The following C1orf52 variants were observed in gnomAD, a reference collection of about 807,000 sequenced individuals.
The protein encoded by C1orf52 is chromosome 1 open reading frame 52.
Under a neutral mutation model 17.2 loss-of-function variants are expected in C1orf52, and 5 were observed. That is an observed-to-expected ratio of 0.29 (90% confidence interval 0.15 to 0.61). C1orf52 has a LOEUF of 0.61. C1orf52 is among the 20% of genes least tolerant of loss of function. The pLI, the probability that C1orf52 is intolerant of heterozygous loss-of-function variation, is 0.85. For synonymous variants in C1orf52, 110 were observed against 88.0 expected, an observed-to-expected ratio of 1.25 and a Z score of -1.40; for missense variants, 245 against 234.1, an observed-to-expected ratio of 1.05 and a Z score of -0.30.
At chr1:85,257,141 GTTCAA>G (rs768619291) in intron 2 of C1orf52, among the ~76,000 whole-genome samples, 1 of 152,158 alleles carries the variant, frequency 6.6e-6, no homozygotes, top group East Asian at 1.9e-4. Flanking sequence ...CAAAACATTA[GTTCAA>G]TTCAACAATT....
rs1557776996 is a variant in C1orf52, at chr1:85,251,314, G to T, written c.*1315C>A. 6.6e-6 allele frequency: 1 copy of T among 152,328 alleles called. No individual in the cohort carries two copies. The highest frequency in any genetic ancestry group is 1.9e-4 in the East Asian group (1 of 5,178). The allele number at this position is 152,328 out of a possible 1,614,324, so 9.4% of individuals were successfully genotyped here. ...TATCCTCCCACCTTGGCCTCCCAAA[G>T]TGCTGGGATTACAAGCATAAGCCAC... On this transcript the variant is annotated 3_prime_UTR_variant, in exon 3 of 3. Transcript: ENST00000471115.
chr1:85,252,297 A>G lies in C1orf52; in HGVS notation c.*332T>C. Reference sequence around the variant, plus strand: ...CAGTACATTACAATATATTTACTTTAAAAATATATTCCTTTATAAAAGGTT... The same window carrying G: ...CAGTACATTACAATATATTTACTTTGAAAATATATTCCTTTATAAAAGGTT... On this transcript the variant is annotated 3_prime_UTR_variant, in exon 3 of 3. Coordinates refer to ENST00000471115, the MANE Select transcript of C1orf52 (RefSeq NM_198077.4). 1 of 261,552 alleles carries G rather than the reference A, an allele frequency of 3.8e-6. No homozygotes were observed. The highest frequency in any genetic ancestry group is 7.3e-6 in the Non-Finnish European group (1 of 137,120). 16.2% of individuals were successfully genotyped at this position (261,552 alleles called of 1,614,324 possible). A position where few individuals can be genotyped will look rare whatever the true frequency, so the allele number is the denominator to read the frequency against.
At chr1:85,259,195 G>T in intron 1 of C1orf52, 163 bp downstream of exon 1, 1 of 1,143,712 alleles carries the variant, frequency 8.7e-7, no homozygotes, top group Non-Finnish European at 1.2e-6. Flanking sequence ...CAGGCGGGGA[G>T]AGGGGGCCAG....
chr1:85,252,571 T>G lies in C1orf52; in HGVS notation c.*58A>C. The G allele has an allele frequency of 7.1e-7, 1 of 1,399,718 alleles. No homozygotes were observed. Among genetic ancestry groups the G allele is most frequent in the South Asian group, 1.2e-5 (1 of 84,504 alleles). The allele number at this position is 1,399,718 out of a possible 1,614,324, so 86.7% of individuals were successfully genotyped here. ...ATAATAACCCACAATATCAACTTAA[T>G]CTGTCCAAAGAAACATTTCAACAAG... On this transcript the variant is annotated 3_prime_UTR_variant, in exon 3 of 3. Transcript: ENST00000471115.
At chr1:85,256,191 C>G (rs1338399967) in intron 2 of C1orf52, among the ~76,000 whole-genome samples, 1 of 152,160 alleles carries the variant, frequency 6.6e-6, no homozygotes, top group East Asian at 1.9e-4. Flanking sequence ...GGCATAATTT[C>G]TATTTAAAGG....
rs746876100 is a variant in C1orf52 at position 85,258,563 on chromosome 1, C to T, written c.436G>A (p.Ala146Thr). Reference protein sequence around the residue: ...GDDAPQNAKKARLLPEGEETL... With the variant: ...GDDAPQNAKKTRLLPEGEETL... ...TCCTCCCCTTCTGGTAGAAGCCTAG[C>T]TTTCTTAGCATTCTGTGGAGCATCA... is the stretch of plus-strand genomic sequence containing the variant. Residue 146 changes from alanine (A) to threonine (T), a missense_variant, in exon 2 of 3, where the codon GCT becomes ACT. Coordinates refer to ENST00000471115, the MANE Select transcript of C1orf52 (RefSeq NM_198077.4). The T allele has an allele frequency of 8.7e-6, 14 of 1,614,076 alleles. No individual in the cohort carries two copies. In the Admixed American group the frequency reaches 2.0e-4, roughly 23 times the overall value.
In C1orf52 at chr1:85,251,673, T is replaced by C. The variant is rs1343738313; in HGVS notation, c.*956A>G. On this transcript the variant is annotated 3_prime_UTR_variant, in exon 3 of 3. Coordinates refer to ENST00000471115, the MANE Select transcript of C1orf52 (RefSeq NM_198077.4). Reference sequence around the variant, plus strand: ...CCTGAATATTAAATATACTAAAACATTATTTATCTGAAATTCAAATTTAAC... The same window carrying C: ...CCTGAATATTAAATATACTAAAACACTATTTATCTGAAATTCAAATTTAAC... The C allele has an allele frequency of 2.0e-5, 3 of 152,310 alleles. No individual in the cohort carries two copies. The highest frequency in any genetic ancestry group is 2.0e-4 in the Admixed American group (3 of 15,290). 9.4% of individuals were successfully genotyped at this position (152,310 alleles called of 1,614,324 possible). A position where few individuals can be genotyped will look rare whatever the true frequency, so the allele number is the denominator to read the frequency against.
At position 85,251,718 on chromosome 1, in the gene C1orf52, C is replaced by A. The variant is rs1659807028; in HGVS notation, c.*911G>T. 1 of 152,082 alleles carries A rather than the reference C, an allele frequency of 6.6e-6. No individual in the cohort carries two copies. The highest frequency in any genetic ancestry group is 6.5e-5 in the Admixed American group (1 of 15,268). The allele number at this position is 152,082 out of a possible 1,614,324, so 9.4% of individuals were successfully genotyped here. ...TTTAACTGAATGTCCTGTAAACTTA[C>A]AATTTAATAAAGAAATTAATGAATA... On this transcript the variant is annotated 3_prime_UTR_variant, in exon 3 of 3. Transcript: ENST00000471115.
rs1318501909 is a variant in C1orf52 at position 85,251,610 on chromosome 1, A to C, written c.*1019T>G. On this transcript the variant is annotated 3_prime_UTR_variant, in exon 3 of 3. Coordinates refer to ENST00000471115, the MANE Select transcript of C1orf52 (RefSeq NM_198077.4). ...GTTACCAGATAAAAGATGTTCAGTT[A>C]AATTTGAATTTCAGATAAACACATT... is the stretch of plus-strand genomic sequence containing the variant. 2.0e-5 allele frequency: 3 copies of C among 152,250 alleles called. No individual in the cohort carries two copies. The highest frequency in any genetic ancestry group is 4.4e-5 in the Non-Finnish European group (3 of 68,040). The allele number at this position is 152,250 out of a possible 1,614,324, so 9.4% of individuals were successfully genotyped here. A position where few individuals can be genotyped will look rare whatever the true frequency, so the allele number is the denominator to read the frequency against.
chr1:85,257,153 A>T (rs935704367), intron 2 of C1orf52, among the ~76,000 whole-genome samples: 1 of 152,242 alleles, frequency 6.6e-6, no homozygotes, highest in Non-Finnish European at 1.5e-5. Context: ...TCAATTCAAC[A>T]ATTACTGAAT....
chr1:85,255,045 T>A (rs768989851), intron 2 of C1orf52, among the ~76,000 whole-genome samples: 6 of 152,242 alleles, frequency 3.9e-5, no homozygotes, highest in African/African-American at 1.4e-4. Context: ...CGGTCTCATA[T>A]AGTATAGATG....
chr1:85,258,858 T>C (rs901710950), intron 1 of C1orf52, 136 bp from the exon 2 acceptor site: 137 of 1,421,978 alleles, frequency 9.6e-5, no homozygotes, highest in Non-Finnish European at 1.2e-4. Flanking sequence ...GACACATTTT[T>C]CCATCAAAAT....
intron 2 of C1orf52, chr1:85,257,585 C>T (rs988860115): frequency 1.5e-6 from 1 of 654,182 alleles, no homozygotes; most frequent in East Asian, 2.8e-5. Flanking sequence ...TAATCAGATA[C>T]GACTTTTAGA....
At chr1:85,258,259 G>T (rs1385226109) in intron 2 of C1orf52, among the ~76,000 whole-genome samples, 1 of 152,070 alleles carries the variant, frequency 6.6e-6, no homozygotes, top group African/African-American at 2.4e-5. Flanking sequence ...CACTGGATGA[G>T]ATATCAGATA....
Position 85,259,609 on chromosome 1 carries a change from G to A in C1orf52, c.25C>T (p.Leu9=), listed in dbSNP as rs138031555. The A allele has an allele frequency of 1.3e-6, 2 of 1,575,398 alleles. No individual in the cohort carries two copies. Among genetic ancestry groups the A allele is most frequent in the Non-Finnish European group, 1.7e-6 (2 of 1,161,446 alleles). The stretch of plus-strand genomic sequence containing the variant: ...CTCCCGTATGCCGCAAAATAGCTCA[G>A]AGGGTCCTTCTCCTCCGCTGCCATG... MAAEEKDP[L]SYFAAYGSSS... Residue 9 remains leucine (L), a synonymous_variant, in exon 1 of 3, where the codon CTG becomes TTG. Transcript: ENST00000471115.
intron 1 of C1orf52, 49 bp downstream of exon 1, chr1:85,259,308 AG>A (rs781314734): frequency 2.6e-6 from 4 of 1,548,206 alleles, no homozygotes; most frequent in Non-Finnish European, 3.5e-6. Flanking sequence ...CTCAGGAGAA[AG>A]GGGGCGCAGG....
chr1:85,255,807 G>T (rs1659923606), intron 2 of C1orf52, among the ~76,000 whole-genome samples: 1 of 44,926 alleles, frequency 2.2e-5, no homozygotes, highest in African/African-American at 9.3e-5. Context: ...ATAGGAATCT[G>T]AAAATCACTT....
Position 85,252,517 on chromosome 1 carries a change from T to C in C1orf52, c.*112A>G, listed in dbSNP as rs1659823828. On this transcript the variant is annotated 3_prime_UTR_variant, in exon 3 of 3. Coordinates refer to ENST00000471115, the MANE Select transcript of C1orf52 (RefSeq NM_198077.4). ...CTTGAGGCAATACTTATTAGTTCAT[T>C]AACGTATGCATTTTCATGGAGATGT... The C allele has an allele frequency of 2.5e-6, 2 of 811,608 alleles. No homozygotes were observed. The highest frequency in any genetic ancestry group is 1.7e-5 in the African/African-American group (1 of 57,752). The allele number at this position is 811,608 out of a possible 1,614,324, so 50.3% of individuals were successfully genotyped here.
chr1:85,256,669 G>C (rs1443531710), intron 2 of C1orf52, among the ~76,000 whole-genome samples: 1 of 151,864 alleles, frequency 6.6e-6, no homozygotes, highest in Non-Finnish European at 1.5e-5. Flanking sequence ...TGTGATGGCA[G>C]GCACCTGCAG....
Sources: allele counts gnomAD v4.1 joint callset (sites outside exome capture counted in the v4.1 genomes callset), GRCh38; gene constraint gnomAD v4.1.1; transcripts MANE v1.5; gene names NCBI Gene and HGNC (gene_info 2026-07-23, HGNC 2026-07-21).